Variants in SLFN12L observed in about 807,000 individuals in gnomAD.
The protein encoded by SLFN12L is schlafen family member 12-like.
SLFN12L carries 34 observed loss-of-function variants against 34.8 expected under a neutral mutation model. The ratio of observed to expected loss-of-function variants is 0.98; its 90% confidence interval spans 0.74 to 1.30. The LOEUF is 1.30. Ranked by LOEUF, SLFN12L falls within the 50% of genes most tolerant of loss-of-function variation. SLFN12L has a pLI of 0.00. For missense variants in SLFN12L, 703 were observed against 696.2 expected (o/e 1.01, Z -0.11); for synonymous variants, 259 against 247.5 (o/e 1.05, Z -0.44).
chr17:35,519,172 A>T (rs1351112088), intron 2 of SLFN12L, among the ~76,000 whole-genome samples: 2 of 152,116 alleles, frequency 1.3e-5, no homozygotes, highest in Non-Finnish European at 2.9e-5. Flanking sequence ...GGAACATCAC[A>T]CACTGGGGCC....
At chr17:35,529,083 C>T (rs1567692200) in intron 1 of SLFN12L, among the ~76,000 whole-genome samples, 1 of 152,114 alleles carries the variant, frequency 6.6e-6, no homozygotes, top group Non-Finnish European at 1.5e-5. Flanking sequence ...ACCCAACAAA[C>T]ATATGAAAAA....
chr17:35,465,596 A>G lies in SLFN12L; in HGVS notation c.*9327T>C. Among the ~76,000 whole-genome samples, 1 of 152,006 alleles carries G rather than the reference A, an allele frequency of 6.6e-6. No homozygotes were observed. The highest frequency in any genetic ancestry group is 2.1e-4 in the South Asian group (1 of 4,796). On this transcript the variant is annotated 3_prime_UTR_variant, in exon 5 of 5. Coordinates refer to ENST00000628453, the MANE Select transcript of SLFN12L (RefSeq NM_001363830.2). ...TTGTTACATAAAACCTCATTTATAT[A>G]ACATAAAAGGGATAAAGGAGATAAG...
intron 2 of SLFN12L, among the ~76,000 whole-genome samples, chr17:35,517,796 GA>G: frequency 6.6e-6 from 1 of 152,260 alleles, no homozygotes; most frequent in South Asian, 2.1e-4. Context: ...AAACAATGGG[GA>G]AAGGATTCCC....
At chr17:35,529,157 G>T (rs1436691825) in intron 1 of SLFN12L, among the ~76,000 whole-genome samples, 2 of 152,200 alleles carry the variant, frequency 1.3e-5, no homozygotes, top group African/African-American at 2.4e-5. Context: ...ACCATCTCAT[G>T]CCAGTTAGAA....
chr17:35,525,083 T>C lies in SLFN12L; in HGVS notation c.-605-2114A>G, dbSNP rs547214160. 9.9e-5 allele frequency among the ~76,000 whole-genome samples: 15 copies of C among 151,688 alleles called. No homozygotes were observed. In the East Asian group the frequency reaches 2.1e-3, roughly 22 times the overall value. On this transcript the variant is annotated intron_variant, in intron 1 of 4. Transcript: ENST00000628453. ...ACATACACAAGTATCAGTAGCCAAA[T>C]TGATCAAGCAGAAGAAAGGATATCA... is the stretch of plus-strand genomic sequence containing the variant.
intron 2 of SLFN12L, chr17:35,491,163 G>C (rs1186868490): frequency 1.2e-6 from 1 of 830,416 alleles, no homozygotes; most frequent in Non-Finnish European, 2.0e-6. Flanking sequence ...GCCTCGGGGA[G>C]GAGGAAGGCA....
At chr17:35,492,600 G>C (rs1464164394) in intron 2 of SLFN12L, among the ~76,000 whole-genome samples, 1 of 152,198 alleles carries the variant, frequency 6.6e-6, no homozygotes, top group South Asian at 2.1e-4. Flanking sequence ...GAATAAGTTG[G>C]ACCAAGGGAA....
In SLFN12L at chr17:35,474,948, C is replaced by T. The variant is rs188794514; in HGVS notation, c.1814G>A (p.Trp605Ter). 1 of 1,548,438 alleles carries T rather than the reference C, an allele frequency of 6.5e-7. No individual in the cohort carries two copies. The highest frequency in any genetic ancestry group is 2.0e-5 in the Admixed American group (1 of 50,490). The stretch of plus-strand genomic sequence containing the variant: ...TCATCTCAAGAAAAAACAAACAAAC[C>T]AACAAACAAACAAACAAAAACGAAA... Reference protein sequence around the residue: ...CLFRFCLFVCWFVCFFLR With the variant: ...CLFRFCLFVC Residue 605 changes from tryptophan to a stop codon, truncating the protein, a stop_gained, in exon 5 of 5, where the codon TGG (tryptophan) becomes TAG (stop). Transcript: ENST00000628453. LOFTEE classifies it high-confidence loss of function.
At chr17:35,524,773 A>T (rs1418972719) in intron 1 of SLFN12L, among the ~76,000 whole-genome samples, 1 of 152,220 alleles carries the variant, frequency 6.6e-6, no homozygotes, top group Non-Finnish European at 1.5e-5. Context: ...AAAGGCTGAA[A>T]ATTCCAAAAA....
chr17:35,530,429 G>GGAAGGAAGGAA (rs1491583109), intron 1 of SLFN12L, among the ~76,000 whole-genome samples: 2 of 8,794 alleles, frequency 2.3e-4, no homozygotes, highest in African/African-American at 5.1e-4. Flanking sequence ...AAGGAAGGAA[G>GGAAGGAAGGAA]GGAAGGGAAG....
At chr17:35,522,235 C>T (rs1450351108) in intron 2 of SLFN12L, 44 bp downstream of exon 2, 2 of 1,606,026 alleles carry the variant, frequency 1.2e-6, no homozygotes, top group African/African-American at 2.7e-5. Flanking sequence ...GAAAATTAAA[C>T]CCAGATTAAA....
At position 35,513,680 on chromosome 17, in the gene SLFN12L, A is replaced by G. The variant is rs540670717; in HGVS notation, c.86+8599T>C. Among the ~76,000 whole-genome samples, 3 of 152,368 alleles carry G rather than the reference A, an allele frequency of 2.0e-5. No homozygotes were observed. In the East Asian group the frequency reaches 5.8e-4, roughly 29 times the overall value. ...CCATTCTTTTCAGGTCTTCAGTCAC[A>G]AGGTCACACCTTACTTTCATTGTTT... On this transcript the variant is annotated intron_variant, in intron 2 of 4. Transcript: ENST00000628453.
rs1913830779 is a variant in SLFN12L, at chr17:35,472,950, C to T, written c.*1973G>A. Among the ~76,000 whole-genome samples, 1 of 152,122 alleles carries T rather than the reference C, an allele frequency of 6.6e-6. No individual in the cohort carries two copies. Among genetic ancestry groups the T allele is most frequent in the Non-Finnish European group, 1.5e-5 (1 of 67,986 alleles). On this transcript the variant is annotated 3_prime_UTR_variant, in exon 5 of 5. Coordinates refer to ENST00000628453, the MANE Select transcript of SLFN12L (RefSeq NM_001363830.2). ...AGTTCACTCATGATTTGGCTCTCTG[C>T]TTGTCTATTGTTGGTGTAATGGAAT...
chr17:35,532,533 C>T (rs148819391), intron 1 of SLFN12L, among the ~76,000 whole-genome samples: 156 of 151,918 alleles, frequency 1.0e-3, no homozygotes, highest in African/African-American at 3.4e-3. Flanking sequence ...GCCTGAGGGA[C>T]GTTATCAAGA....
At position 35,481,604 on chromosome 17, in the gene SLFN12L, A is replaced by T. The variant is rs141005552; in HGVS notation, c.87-1409T>A. Among the ~76,000 whole-genome samples the T allele has an allele frequency of 2.3e-3, 357 of 152,096 alleles. 2 individuals are homozygous for T. The highest frequency in any genetic ancestry group is 5.6e-3 in the Admixed American group (86 of 15,282). On this transcript the variant is annotated intron_variant, in intron 2 of 4. Transcript: ENST00000628453. ...TTACCTATCACTGGAGATGGCTCAC[A>T]CTCCTTACCCTGCCCCGTTGTCTTG...
intron 1 of SLFN12L, 53 bp from the exon 2 acceptor site, chr17:35,523,022 A>G (rs1212902763): frequency 2.4e-6 from 1 of 413,830 alleles, no homozygotes; most frequent in Non-Finnish European, 4.3e-6. Flanking sequence ...CATACTGATT[A>G]TGACAATTAG....
rs538754365 is a variant in SLFN12L, at chr17:35,500,426, G to A, written c.87-20231C>T. 2.6e-5 allele frequency: 4 copies of A among 152,344 alleles called. No individual in the cohort carries two copies. The South Asian group carries it at 8.3e-4, about 32-fold the overall frequency. The allele number at this position is 152,344 out of a possible 1,614,324, so 9.4% of individuals were successfully genotyped here. ...AGCCTGGCGCCATGCCTCAGGCCTGGTTAAAGATCCACCCCTGACCTGGCC... is the reference window on the plus strand; with the variant it reads ...AGCCTGGCGCCATGCCTCAGGCCTGATTAAAGATCCACCCCTGACCTGGCC... On this transcript the variant is annotated intron_variant, in intron 2 of 4. Transcript: ENST00000628453.
At chr17:35,478,018 G>T in intron 4 of SLFN12L, 57 bp downstream of exon 4, 3 of 1,038,364 alleles carry the variant, frequency 2.9e-6, no homozygotes, top group Middle Eastern at 2.0e-4. Context: ...GGTTTGAAGA[G>T]AAGGAGGTTT....
At chr17:35,512,700 G>A (rs1915692738) in intron 2 of SLFN12L, among the ~76,000 whole-genome samples, 1 of 152,148 alleles carries the variant, frequency 6.6e-6, no homozygotes, top group Admixed American at 6.5e-5. Context: ...AGCTTTAAAA[G>A]GTAGTGTGTA....
Sources: gnomAD v4.1 joint callset for allele counts (sites outside exome capture counted in the v4.1 genomes callset) on GRCh38, gnomAD v4.1.1 for gene constraint, MANE v1.5 for transcripts, NCBI Gene and HGNC (gene_info 2026-07-23, HGNC 2026-07-21) for gene names.